Variants in SLC35F3 observed in about 807,000 individuals in gnomAD.
The protein encoded by SLC35F3 is solute carrier family 35 member F3.
A neutral mutation model predicts 49.9 loss-of-function variants in SLC35F3; 25 were observed. The observed-to-expected ratio is 0.50, with a 90% CI of 0.37 to 0.70. The LOEUF is 0.70. SLC35F3 is among the 30% of genes least tolerant of loss of function. SLC35F3 has a pLI of 0.00. For missense variants in SLC35F3, 525 were observed against 639.8 expected (o/e 0.82, Z 1.94); for synonymous variants, 275 against 265.4 (o/e 1.04, Z -0.35).
intron 2 of SLC35F3, among the ~76,000 whole-genome samples, chr1:233,959,970 G>A (rs1162839748): frequency 6.6e-6 from 1 of 152,120 alleles, no homozygotes; most frequent in African/African-American, 2.4e-5. Context: ...GTGTTTTGTT[G>A]GGGACAGGAC....
intron 2 of SLC35F3, among the ~76,000 whole-genome samples, chr1:234,197,291 G>A (rs374709856): frequency 1.7e-3 from 252 of 152,280 alleles, no homozygotes; most frequent in African/African-American, 5.9e-3. Flanking sequence ...GCAGCCTTGA[G>A]TTTTCTCAGA....
rs745553104 is a variant in SLC35F3 at position 234,027,964 on chromosome 1, G to A, written c.283+122206G>A. 1.3e-5 allele frequency among the ~76,000 whole-genome samples: 2 copies of A among 152,200 alleles called. No homozygotes were observed. The highest frequency in any genetic ancestry group is 2.4e-5 in the African/African-American group (1 of 41,520). ...GGGAAATTCAGGAGGGGAATCGATC[G>A]CACAGGAGTAAAGTATCAAATTTGG... On this transcript the variant is annotated intron_variant, in intron 2 of 7. Transcript: ENST00000366618. This position sits in a 1 kb window ranked among gnomAD's most constrained non-coding sequence, Gnocchi z 4.1.
At chr1:233,997,971 C>T (rs1433949558) in intron 2 of SLC35F3, among the ~76,000 whole-genome samples, 3 of 152,174 alleles carry the variant, frequency 2.0e-5, no homozygotes, top group Non-Finnish European at 2.9e-5. Context: ...AGGCTGGTCT[C>T]GAACTCCTGA....
In SLC35F3 at chr1:234,048,770, G is replaced by T. The variant is rs369183689; in HGVS notation, c.283+143012G>T. Among the ~76,000 whole-genome samples the T allele has an allele frequency of 9.2e-5, 14 of 152,330 alleles. No individual in the cohort carries two copies. The East Asian group carries it at 2.5e-3, about 27-fold the overall frequency. On this transcript the variant is annotated intron_variant, in intron 2 of 7. Transcript: ENST00000366618. ...TCCATTGGGTCCAGAAGGTAAGGTAGAGCCCAGTGGGTTCAGAAGGCAGTA... is the reference window on the plus strand; with the variant it reads ...TCCATTGGGTCCAGAAGGTAAGGTATAGCCCAGTGGGTTCAGAAGGCAGTA...
Position 233,907,875 on chromosome 1 carries a change from G to A in SLC35F3, c.283+2117G>A, listed in dbSNP as rs542955567. On this transcript the variant is annotated intron_variant, in intron 2 of 7. Transcript: ENST00000366618. ...TGCGTAGCTGGGATTACAGGCGTGC[G>A]CCACCACATCCTGCTAATTTTTGTA... 3.1e-3 allele frequency among the ~76,000 whole-genome samples: 478 copies of A among 152,192 alleles called. 2 individuals carry two copies. The highest frequency in any genetic ancestry group is 0.011 in the African/African-American group (448 of 41,526).
chr1:234,206,641 C>T (rs1666974999), intron 2 of SLC35F3, among the ~76,000 whole-genome samples: 1 of 152,134 alleles, frequency 6.6e-6, no homozygotes, highest in African/African-American at 2.4e-5. Context: ...ATCCTGTTTA[C>T]TACCAAGGTC....
intron 2 of SLC35F3, among the ~76,000 whole-genome samples, chr1:234,039,813 G>A (rs1002213960): frequency 1.2e-4 from 18 of 152,144 alleles, no homozygotes; most frequent in East Asian, 1.9e-4. Flanking sequence ...TGCACGCCCC[G>A]CGGCAGCATC....
At position 234,320,099 on chromosome 1, in the gene SLC35F3, A is replaced by G. The variant is rs1192808147; in HGVS notation, c.1149A>G (p.Thr383=). The G allele has an allele frequency of 6.3e-7, 1 of 1,597,364 alleles. No homozygotes were observed. The highest frequency in any genetic ancestry group is 8.6e-7 in the Non-Finnish European group (1 of 1,164,786). The part of the protein sequence containing the change: ...NLCGFSVLLL[T]FNIVLNFGIA... ...CGTTGTTTACATTCTTTATTTCAGC[A>G]TTCAATATTGTATTAAATTTTGGAA... is the stretch of plus-strand genomic sequence containing the variant. The change falls in exon 7 of 8, where the codon ACA becomes ACG. Residue 383 remains threonine, a splice_region_variant and synonymous_variant. Coordinates refer to ENST00000366618, the MANE Select transcript of SLC35F3 (RefSeq NM_173508.4). The surrounding 1 kb of genome is among the most constrained non-coding windows in gnomAD (Gnocchi z 4.8).
At chr1:234,305,886 G>T (rs910512936) in intron 3 of SLC35F3, among the ~76,000 whole-genome samples, 2 of 152,148 alleles carry the variant, frequency 1.3e-5, no homozygotes, top group African/African-American at 2.4e-5. Flanking sequence ...CAATCCATAG[G>T]AACAGAAGGA....
Position 234,124,763 on chromosome 1 carries a change from G to A in SLC35F3, c.284-106654G>A, listed in dbSNP as rs180981348. Reference sequence around the variant, plus strand: ...CATACCTGTAGCCCCAGCTACTCAGGAAGCTGAGGTGGGAGGATCACTTGA... The same window carrying A: ...CATACCTGTAGCCCCAGCTACTCAGAAAGCTGAGGTGGGAGGATCACTTGA... On this transcript the variant is annotated intron_variant, in intron 2 of 7. Transcript: ENST00000366618. 4.1e-4 allele frequency among the ~76,000 whole-genome samples: 63 copies of A among 152,294 alleles called. 1 individual carries two copies. Among genetic ancestry groups the A allele is most frequent in the Middle Eastern group, 6.8e-3 (2 of 294 alleles).
intron 2 of SLC35F3, among the ~76,000 whole-genome samples, chr1:234,085,980 A>G (rs1664954055): frequency 6.6e-6 from 1 of 152,206 alleles, no homozygotes; most frequent in Admixed American, 6.5e-5. Flanking sequence ...ATAGTCAAAT[A>G]TCAGTAATAT....
intron 2 of SLC35F3, among the ~76,000 whole-genome samples, chr1:233,908,763 T>C (rs1661818086): frequency 6.6e-6 from 1 of 151,812 alleles, no homozygotes; most frequent in Admixed American, 6.6e-5. Context: ...CTCGAACTCC[T>C]GATCTCATGA....
chr1:234,241,735 CAAAA>C (rs34326038), intron 3 of SLC35F3, among the ~76,000 whole-genome samples: 1 of 89,952 alleles, frequency 1.1e-5, no homozygotes. Context: ...CACTCTGTCT[CAAAA>C]AAAAAAAAAA....
At chr1:234,117,366 C>T (rs1355548038) in intron 2 of SLC35F3, among the ~76,000 whole-genome samples, 1 of 151,482 alleles carries the variant, frequency 6.6e-6, no homozygotes, top group Admixed American at 6.6e-5. Context: ...CTGAGGTGGG[C>T]AGATCACCTG....
At position 234,185,200 on chromosome 1, in the gene SLC35F3, G is replaced by A. The variant is rs528112046; in HGVS notation, c.284-46217G>A. Among the ~76,000 whole-genome samples the A allele has an allele frequency of 1.6e-4, 24 of 152,290 alleles. No individual in the cohort carries two copies. The East Asian group carries it at 4.4e-3, about 28-fold the overall frequency. ...AAGGCATTCTGGGGTGGGGGTGTACGCTGGTTCTGGGAAGTTGGGTAGGAT... is the reference window on the plus strand; with the variant it reads ...AAGGCATTCTGGGGTGGGGGTGTACACTGGTTCTGGGAAGTTGGGTAGGAT... On this transcript the variant is annotated intron_variant, in intron 2 of 7. Coordinates refer to ENST00000366618, the MANE Select transcript of SLC35F3 (RefSeq NM_173508.4).
chr1:234,324,275 A>T lies in SLC35F3; in HGVS notation c.*1032A>T, dbSNP rs1051695054. ...TGCCAGAAAATTCTATCTGTGATAG[A>T]TCTGTAAAGAGGGTCAGGGGTTAGA... is the stretch of plus-strand genomic sequence containing the variant. On this transcript the variant is annotated 3_prime_UTR_variant, in exon 8 of 8. Coordinates refer to ENST00000366618, the MANE Select transcript of SLC35F3 (RefSeq NM_173508.4). 3 of 152,220 alleles carry T rather than the reference A, an allele frequency of 2.0e-5. No homozygotes were observed. Among genetic ancestry groups the T allele is most frequent in the African/African-American group, 7.2e-5 (3 of 41,462 alleles). The allele number at this position is 152,220 out of a possible 1,614,324, so 9.4% of individuals were successfully genotyped here. A position where few individuals can be genotyped will look rare whatever the true frequency, so the allele number is the denominator to read the frequency against.
intron 2 of SLC35F3, among the ~76,000 whole-genome samples, chr1:234,034,967 C>T (rs1664120051): frequency 6.6e-6 from 1 of 152,138 alleles, no homozygotes; most frequent in Non-Finnish European, 1.5e-5. Context: ...TTTTTTTAAA[C>T]TTTACTCAAG....
chr1:234,001,687 T>A (rs1014977253), intron 2 of SLC35F3, among the ~76,000 whole-genome samples: 1 of 151,760 alleles, frequency 6.6e-6, no homozygotes, highest in Non-Finnish European at 1.5e-5. Context: ...TTACAGGTTC[T>A]GCAGTTTAAG....
chr1:234,154,737 G>A (rs1324355929), intron 2 of SLC35F3, among the ~76,000 whole-genome samples: 2 of 152,152 alleles, frequency 1.3e-5, no homozygotes, highest in Admixed American at 1.3e-4. Flanking sequence ...GTAGGCATGG[G>A]ATGCCACCAT....
Sources: allele counts gnomAD v4.1 joint callset (sites outside exome capture counted in the v4.1 genomes callset), GRCh38; gene constraint gnomAD v4.1.1; non-coding constraint Gnocchi (gnomAD v3.1); transcripts MANE v1.5; gene names NCBI Gene and HGNC (gene_info 2026-07-23, HGNC 2026-07-21).